Variants in ROCK1 observed in about 807,000 individuals in gnomAD.
ROCK1 encodes rho-associated protein kinase 1.
ROCK1 carries 36 observed loss-of-function variants against 196.8 expected under a neutral mutation model. The observed-to-expected ratio is 0.18, with a 90% CI of 0.14 to 0.24. ROCK1 has a LOEUF of 0.24. Ranked by LOEUF, ROCK1 falls within the 10% of genes least tolerant of loss-of-function variation. The pLI is 1.00. For synonymous variants in ROCK1, 443 were observed against 515.9 expected, an observed-to-expected ratio of 0.86 and a Z score of 1.91; for missense variants, 920 against 1,562.0, an observed-to-expected ratio of 0.59 and a Z score of 6.93.
At chr18:21,093,788 C>G (rs2036590210) in intron 1 of ROCK1, among the ~76,000 whole-genome samples, 1 of 152,012 alleles carries the variant, frequency 6.6e-6, no homozygotes, top group South Asian at 2.1e-4. Context: ...AACCCCATCT[C>G]TACTAAAAAT....
intron 12 of ROCK1, among the ~76,000 whole-genome samples, chr18:21,018,268 G>A (rs1306914977): frequency 1.3e-5 from 2 of 151,772 alleles, no homozygotes; most frequent in African/African-American, 4.8e-5. Context: ...GGTGGCTCAC[G>A]CCTGCAATCC....
intron 18 of ROCK1, among the ~76,000 whole-genome samples, chr18:20,987,369 C>T (rs1003951246): frequency 3.3e-5 from 5 of 152,056 alleles, no homozygotes; most frequent in African/African-American, 1.2e-4. Context: ...AGAGATTAAT[C>T]GGTACCACTT....
At chr18:20,971,859 T>C (rs1380810509) in intron 22 of ROCK1, among the ~76,000 whole-genome samples, 1 of 151,924 alleles carries the variant, frequency 6.6e-6, no homozygotes, top group Non-Finnish European at 1.5e-5. Context: ...GTTATGAATA[T>C]GATCACTTTT....
In ROCK1 at chr18:21,101,792, A is replaced by G. The variant is rs1163154185; in HGVS notation, c.93+9026T>C. On this transcript the variant is annotated intron_variant, in intron 1 of 32. Transcript: ENST00000399799. ...TTTAGACAATCAGAAATATGAATATAAACTGGGAATTAATGATACCAAAGC... is the reference window on the plus strand; with the variant it reads ...TTTAGACAATCAGAAATATGAATATGAACTGGGAATTAATGATACCAAAGC... Among the ~76,000 whole-genome samples the G allele has an allele frequency of 2.0e-5, 3 of 152,214 alleles. No individual in the cohort carries two copies. The East Asian group carries it at 5.8e-4, about 29-fold the overall frequency.
chr18:21,029,343 G>T (rs2035987313), intron 9 of ROCK1, among the ~76,000 whole-genome samples: 1 of 152,070 alleles, frequency 6.6e-6, no homozygotes, highest in East Asian at 1.9e-4. Context: ...GTATTTTTTG[G>T]TTAATCTGCT....
intron 32 of ROCK1, chr18:20,953,276 T>A (rs1442236391): frequency 4.4e-6 from 1 of 228,464 alleles, no homozygotes; most frequent in Admixed American, 5.5e-5. Context: ...AAGTTTTATA[T>A]GAATTTCTGC....
intron 16 of ROCK1, among the ~76,000 whole-genome samples, chr18:21,003,770 T>C (rs1265830233): frequency 2.6e-5 from 4 of 152,160 alleles, no homozygotes; most frequent in Admixed American, 2.6e-4. Context: ...CTCCAAATTC[T>C]GAAACTTTTT....
intron 18 of ROCK1, among the ~76,000 whole-genome samples, chr18:20,988,850 G>A (rs1389351013): frequency 6.6e-6 from 1 of 151,948 alleles, no homozygotes; most frequent in Non-Finnish European, 1.5e-5. Context: ...CTATCTGAAT[G>A]TAATCTCCGG....
At chr18:21,019,470 T>C (rs1415629973) in intron 12 of ROCK1, among the ~76,000 whole-genome samples, 1 of 152,150 alleles carries the variant, frequency 6.6e-6, no homozygotes, top group Non-Finnish European at 1.5e-5. Flanking sequence ...GTCAGGCAAC[T>C]AAATGAATTA....
At chr18:20,992,245 C>A (rs1269292018) in intron 17 of ROCK1, among the ~76,000 whole-genome samples, 2 of 152,192 alleles carry the variant, frequency 1.3e-5, no homozygotes, top group Non-Finnish European at 2.9e-5. Context: ...AGTGGCTTTT[C>A]TGATAATTTA....
rs2036266191 is a variant in ROCK1, at chr18:21,058,895, A to T, written c.176-9015T>A. On this transcript the variant is annotated intron_variant, in intron 2 of 32. Transcript: ENST00000399799. ...CAACCAGCACTGTTTTAATTAAGAAAATTATTTCATGTCCAAATGTTCAAA... is the reference window on the plus strand; with the variant it reads ...CAACCAGCACTGTTTTAATTAAGAATATTATTTCATGTCCAAATGTTCAAA... Among the ~76,000 whole-genome samples, 3 of 152,118 alleles carry T rather than the reference A, an allele frequency of 2.0e-5. No homozygotes were observed. In the South Asian group the frequency reaches 6.2e-4, roughly 32 times the overall value.
intron 6 of ROCK1, among the ~76,000 whole-genome samples, chr18:21,043,110 A>G (rs1322343050): frequency 4.6e-5 from 7 of 152,146 alleles, no homozygotes; most frequent in Non-Finnish European, 1.0e-4. Context: ...GGCCAGTGCA[A>G]ATACACTGGG....
At chr18:20,956,359 T>C (rs567153413) in intron 29 of ROCK1, among the ~76,000 whole-genome samples, 2 of 152,284 alleles carry the variant, frequency 1.3e-5, no homozygotes, top group South Asian at 2.1e-4. Context: ...TTATATTGTT[T>C]AGAGAAAAAC....
At position 21,096,288 on chromosome 18, in the gene ROCK1, C is replaced by G. The variant is rs1475094214; in HGVS notation, c.93+14530G>C. Among the ~76,000 whole-genome samples, 3 of 151,950 alleles carry G rather than the reference C, an allele frequency of 2.0e-5. No homozygotes were observed. The East Asian group carries it at 5.8e-4, about 29-fold the overall frequency. ...AATCTTGGCTCACTGCAACCTCTGCCCCCCCGGGTTCAAGCAATTCTCCTG... is the reference window on the plus strand; with the variant it reads ...AATCTTGGCTCACTGCAACCTCTGCGCCCCCGGGTTCAAGCAATTCTCCTG... On this transcript the variant is annotated intron_variant, in intron 1 of 32. Transcript: ENST00000399799.
intron 12 of ROCK1, among the ~76,000 whole-genome samples, chr18:21,019,617 C>A (rs2035895224): frequency 6.6e-6 from 1 of 151,598 alleles, no homozygotes; most frequent in Non-Finnish European, 1.5e-5. Flanking sequence ...CACTGTGAAA[C>A]CCCGTCTCTA....
chr18:21,038,871 T>A (rs2036081085), intron 9 of ROCK1, among the ~76,000 whole-genome samples: 1 of 152,238 alleles, frequency 6.6e-6, no homozygotes, highest in Admixed American at 6.5e-5. Flanking sequence ...GTTGTAGAGT[T>A]TTCTGTGAAT....
chr18:20,981,116 C>T (rs1299230256), intron 21 of ROCK1, among the ~76,000 whole-genome samples: 3 of 151,724 alleles, frequency 2.0e-5, no homozygotes, highest in South Asian at 2.1e-4. Flanking sequence ...ACAAAAGGGC[C>T]GGGCGCAGTG....
intron 9 of ROCK1, among the ~76,000 whole-genome samples, chr18:21,038,888 GTAATTT>G (rs2036081330): frequency 6.6e-6 from 1 of 152,160 alleles, no homozygotes; most frequent in African/African-American, 2.4e-5. Flanking sequence ...GAATCATCTT[GTAATTT>G]TAACTTTTTT....
chr18:21,017,147 A>C (rs189508251), intron 12 of ROCK1, among the ~76,000 whole-genome samples: 68 of 149,466 alleles, frequency 4.5e-4, no homozygotes, highest in African/African-American at 1.6e-3. Flanking sequence ...ATATTCCTGT[A>C]TAATTTTATT....
Sources: gnomAD v4.1 joint callset for allele counts (sites outside exome capture counted in the v4.1 genomes callset) on GRCh38, gnomAD v4.1.1 for gene constraint, MANE v1.5 for transcripts, NCBI Gene and HGNC (gene_info 2026-07-23, HGNC 2026-07-21) for gene names.